TPST2: variants seen among roughly 807,000 people sequenced by gnomAD.
TPST2 encodes the protein protein-tyrosine sulfotransferase 2.
Under a neutral mutation model 27.8 loss-of-function variants are expected in TPST2, and 16 were observed. The ratio of observed to expected loss-of-function variants is 0.58; its 90% confidence interval spans 0.39 to 0.88. The LOEUF is 0.88. TPST2 is among the 40% of genes least tolerant of loss of function. The pLI, the probability that TPST2 is intolerant of heterozygous loss-of-function variation, is 0.00. For missense variants in TPST2, 464 were observed against 543.1 expected (o/e 0.85, Z 1.45); for synonymous variants, 229 against 231.7 (o/e 0.99, Z 0.10).
Position 26,528,896 on chromosome 22 carries a change from C to T in TPST2, c.1093-634G>A, listed in dbSNP as rs527342708. ...ACTCAGGAGGCTGAGGCAGGAGAAT[C>T]GCTTGAACCCGGGAGGCAGAGGTTG... On this transcript the variant is annotated intron_variant, in intron 5 of 6. Coordinates refer to ENST00000338754, the MANE Select transcript of TPST2 (RefSeq NM_003595.5). Among the ~76,000 whole-genome samples the T allele has an allele frequency of 1.3e-4, 19 of 151,952 alleles. No individual in the cohort carries two copies. In the South Asian group the frequency reaches 3.1e-3, roughly 25 times the overall value.
chr22:26,533,905 G>A (rs995948667), intron 4 of TPST2, among the ~76,000 whole-genome samples: 4 of 152,100 alleles, frequency 2.6e-5, no homozygotes, highest in African/African-American at 4.8e-5. Context: ...CAAACTCCTA[G>A]GCTAAGCAGT....
At chr22:26,586,927 G>A (rs144026769) in intron 1 of TPST2, among the ~76,000 whole-genome samples, 2 of 152,320 alleles carry the variant, frequency 1.3e-5, no homozygotes, top group East Asian at 3.9e-4. Flanking sequence ...TGAGAGGAGG[G>A]GGAAGATGTC....
chr22:26,582,076 C>T lies in TPST2; in HGVS notation c.-161+7977G>A, dbSNP rs755318068. Among the ~76,000 whole-genome samples the T allele has an allele frequency of 7.1e-4, 108 of 152,314 alleles. 1 individual carries two copies. The highest frequency in any genetic ancestry group is 3.4e-3 in the Middle Eastern group (1 of 294). ...GTCTTTAGACAAACACCATCAGAGG[C>T]CCCTGGAAACTGGTTAGAAACACAG... On this transcript the variant is annotated intron_variant, in intron 1 of 6. Coordinates refer to ENST00000338754, the MANE Select transcript of TPST2 (RefSeq NM_003595.5).
At position 26,540,992 on chromosome 22, in the gene TPST2, C is replaced by T; in HGVS notation, c.639G>A (p.Lys213=). The T allele has an allele frequency of 1.9e-6, 3 of 1,614,194 alleles. No homozygotes were observed. The highest frequency in any genetic ancestry group is 8.5e-7 in the Non-Finnish European group (1 of 1,180,044). The change falls in exon 3 of 7, where the codon AAG becomes AAA. Residue 213 remains lysine, a synonymous_variant. Coordinates refer to ENST00000338754, the MANE Select transcript of TPST2 (RefSeq NM_003595.5). The part of the protein sequence containing the change: ...DLSSYRDCLT[K]WNKAIEVMYA... ...ACATCACCTCGATGGCCTTGTTCCACTTGGTGAGGCAGTCACGGTAGCTGC... is the reference window on the plus strand; with the variant it reads ...ACATCACCTCGATGGCCTTGTTCCATTTGGTGAGGCAGTCACGGTAGCTGC...
At chr22:26,585,386 C>A (rs1256521560) in intron 1 of TPST2, among the ~76,000 whole-genome samples, 1 of 152,168 alleles carries the variant, frequency 6.6e-6, no homozygotes, top group Admixed American at 6.5e-5. Flanking sequence ...TTTCTGGGGG[C>A]TGGCCAAGAT....
At chr22:26,535,179 T>TA (rs1288460553) in intron 4 of TPST2, among the ~76,000 whole-genome samples, 2 of 152,238 alleles carry the variant, frequency 1.3e-5, no homozygotes, top group Non-Finnish European at 2.9e-5. Flanking sequence ...ACTGAAGAGT[T>TA]ACGGAACTAA....
At chr22:26,585,177 ACTGCCTGCTTTCTGGGCTGC>A (rs1403484114) in intron 1 of TPST2, among the ~76,000 whole-genome samples, 1 of 151,982 alleles carries the variant, frequency 6.6e-6, no homozygotes, top group African/African-American at 2.4e-5. Context: ...TCCCTATCAC[ACTGCCTGCTTTCTGGGCTGC>A]CTGCCTGCTT....
At chr22:26,526,917 AAAATAC>A (rs1924874587) in intron 6 of TPST2, among the ~76,000 whole-genome samples, 2 of 152,174 alleles carry the variant, frequency 1.3e-5, no homozygotes, top group Admixed American at 6.5e-5. Flanking sequence ...GTCTCTACTA[AAAATAC>A]AAAAATTAGC....
At chr22:26,570,402 T>C (rs536705027) in intron 1 of TPST2, among the ~76,000 whole-genome samples, 1 of 152,310 alleles carries the variant, frequency 6.6e-6, no homozygotes, top group African/African-American at 2.4e-5. Context: ...CAGGCCACGG[T>C]GGCTTTTGAT....
intron 1 of TPST2, among the ~76,000 whole-genome samples, chr22:26,587,310 C>T (rs1313688858): frequency 6.6e-6 from 1 of 152,152 alleles, no homozygotes; most frequent in Non-Finnish European, 1.5e-5. Flanking sequence ...GGGGTGGGCT[C>T]TGTAAGCCAC....
rs369991735 is a variant in TPST2, at chr22:26,553,779, C to G, written c.-160-9104G>C. On this transcript the variant is annotated intron_variant, in intron 1 of 6. Transcript: ENST00000338754. Reference sequence around the variant, plus strand: ...ATGTAATATTTGCATAAAACCTACACGTATCCTCCCATATACTTTAAATCA... The same window carrying G: ...ATGTAATATTTGCATAAAACCTACAGGTATCCTCCCATATACTTTAAATCA... Among the ~76,000 whole-genome samples the G allele has an allele frequency of 1.2e-4, 19 of 152,260 alleles. No individual in the cohort carries two copies. In the East Asian group the frequency reaches 2.9e-3, roughly 23 times the overall value.
intron 3 of TPST2, among the ~76,000 whole-genome samples, 161 bp downstream of exon 3, chr22:26,540,628 G>T (rs1385318678): frequency 6.6e-6 from 1 of 152,176 alleles, no homozygotes; most frequent in Non-Finnish European, 1.5e-5. Flanking sequence ...AAGGAGAGGA[G>T]TAATTGTTGT....
chr22:26,552,696 T>A (rs1186046941), intron 1 of TPST2, among the ~76,000 whole-genome samples: 3 of 152,138 alleles, frequency 2.0e-5, no homozygotes, highest in African/African-American at 7.2e-5. Context: ...TAAGACTAGT[T>A]ACGAAAACAG....
intron 1 of TPST2, among the ~76,000 whole-genome samples, chr22:26,588,373 G>C (rs1381803548): frequency 1.3e-5 from 2 of 152,166 alleles, no homozygotes; most frequent in African/African-American, 4.8e-5. Flanking sequence ...GTAAGTGGTT[G>C]CCAAGGGATA....
chr22:26,560,191 T>C lies in TPST2; in HGVS notation c.-160-15516A>G, dbSNP rs576293660. Among the ~76,000 whole-genome samples, 24 of 152,246 alleles carry C rather than the reference T, an allele frequency of 1.6e-4. 1 individual carries two copies. The South Asian group carries it at 4.8e-3, about 30-fold the overall frequency. ...AACACCTGGCTGGGTTCTTCCCATG[T>C]ACCCAGAGGCCTTCTCTGCTGGCAT... On this transcript the variant is annotated intron_variant, in intron 1 of 6. Transcript: ENST00000338754.
chr22:26,545,142 T>C (rs1926050713), intron 1 of TPST2, among the ~76,000 whole-genome samples: 3 of 152,232 alleles, frequency 2.0e-5, no homozygotes, highest in Non-Finnish European at 4.4e-5. Context: ...CTACAAGGAA[T>C]ATGCTGCTTC....
At chr22:26,564,393 T>G (rs1442404950) in intron 1 of TPST2, among the ~76,000 whole-genome samples, 1 of 152,202 alleles carries the variant, frequency 6.6e-6, no homozygotes, top group African/African-American at 2.4e-5. Context: ...GCTATGCCCC[T>G]TCATGTCCAG....
chr22:26,574,550 C>T lies in TPST2; in HGVS notation c.-161+15503G>A, dbSNP rs139652776. Among the ~76,000 whole-genome samples, 245 of 152,282 alleles carry T rather than the reference C, an allele frequency of 1.6e-3. 2 individuals are homozygous for T. The highest frequency in any genetic ancestry group is 5.6e-3 in the South Asian group (27 of 4,826). On this transcript the variant is annotated intron_variant, in intron 1 of 6. Coordinates refer to ENST00000338754, the MANE Select transcript of TPST2 (RefSeq NM_003595.5). Reference sequence around the variant, plus strand: ...AGATACTGCCTGAGGCACCTGTTTGCCCAGGAACGAGCAAGCCATAGGTAT... The same window carrying T: ...AGATACTGCCTGAGGCACCTGTTTGTCCAGGAACGAGCAAGCCATAGGTAT...
chr22:26,536,275 G>A lies in TPST2; in HGVS notation c.1041+13C>T. 1 of 1,614,102 alleles carries A rather than the reference G, an allele frequency of 6.2e-7. No homozygotes were observed. The highest frequency in any genetic ancestry group is 8.5e-7 in the Non-Finnish European group (1 of 1,179,988). ...CCAAGAGTACACTTCCACAAGTACAGGTGCACACTCACCCGCTGTGTGTTG... is the reference window on the plus strand; with the variant it reads ...CCAAGAGTACACTTCCACAAGTACAAGTGCACACTCACCCGCTGTGTGTTG... On this transcript the variant is annotated intron_variant, in intron 4 of 6. Coordinates refer to ENST00000338754, the MANE Select transcript of TPST2 (RefSeq NM_003595.5).
Sources: gnomAD v4.1 joint callset for allele counts (sites outside exome capture counted in the v4.1 genomes callset) on GRCh38, gnomAD v4.1.1 for gene constraint, MANE v1.5 for transcripts, NCBI Gene and HGNC (gene_info 2026-07-23, HGNC 2026-07-21) for gene names.